Variants in PCDHGB1 observed in about 807,000 individuals in gnomAD.
PCDHGB1 encodes the protein protocadherin gamma-B1.
A neutral mutation model predicts 56.6 loss-of-function variants in PCDHGB1; 34 were observed. That is an observed-to-expected ratio of 0.60 (90% CI 0.46 to 0.80). PCDHGB1 has a LOEUF of 0.80. Ranked by LOEUF, PCDHGB1 falls within the 30% of genes least tolerant of loss-of-function variation. The pLI is 0.00. For synonymous variants in PCDHGB1, 561 were observed against 505.9 expected, an observed-to-expected ratio of 1.11 and a Z score of -1.46; for missense variants, 1,278 against 1,204.6, an observed-to-expected ratio of 1.06 and a Z score of -0.90.
rs1283688342 is a variant in PCDHGB1, at chr5:141,437,688, T to G, written c.2410-57119T>G. On this transcript the variant is annotated intron_variant, in intron 1 of 3. Transcript: ENST00000523390. ...GAGATGTTGATCAAACTGATGAGGCTAAATCTCAAGAAAGAGACACAGTTA... is the reference window on the plus strand; with the variant it reads ...GAGATGTTGATCAAACTGATGAGGCGAAATCTCAAGAAAGAGACACAGTTA... Among the ~76,000 whole-genome samples the G allele has an allele frequency of 4.0e-5, 6 of 151,890 alleles. 1 individual carries two copies. The East Asian group carries it at 1.2e-3, about 29-fold the overall frequency.
At chr5:141,421,034 C>G (rs2096540283) in intron 1 of PCDHGB1, 2 of 538,266 alleles carry the variant, frequency 3.7e-6, no homozygotes, top group Non-Finnish European at 6.4e-6. Context: ...CATTGAGTCC[C>G]TCCCTCCCCC....
At chr5:141,389,088 T>G (rs774714581) in intron 1 of PCDHGB1, 2 of 1,613,894 alleles carry the variant, frequency 1.2e-6, no homozygotes, top group Non-Finnish European at 1.7e-6. Context: ...CACGTATAAA[T>G]TAGTGACAGA....
intron 1 of PCDHGB1, chr5:141,405,186 G>A (rs762537440): frequency 6.2e-6 from 10 of 1,612,892 alleles, no homozygotes; most frequent in Non-Finnish European, 8.5e-6. Context: ...GGTGTAGATG[G>A]GGTTCGAGCT....
chr5:141,383,031 T>C (rs778307271), intron 1 of PCDHGB1: 2 of 1,613,670 alleles, frequency 1.2e-6, no homozygotes, highest in African/African-American at 2.7e-5. Flanking sequence ...AAGGGTCCTT[T>C]GTGGGAGACA....
intron 1 of PCDHGB1, among the ~76,000 whole-genome samples, chr5:141,466,757 T>G (rs1486124876): frequency 6.6e-6 from 1 of 152,224 alleles, no homozygotes; most frequent in Non-Finnish European, 1.5e-5. Context: ...AGGGGCTCTT[T>G]TCAAACTGTT....
rs772255956 is a variant in PCDHGB1 at position 141,361,360 on chromosome 5, G to T, written c.2409+8691G>T. ...CTATTACAAACTAGTGACAGACGGC[G>T]CTCTGGACCGGGAGGAGATCCCAGA... On this transcript the variant is annotated intron_variant, in intron 1 of 3. Coordinates refer to ENST00000523390, the MANE Select transcript of PCDHGB1 (RefSeq NM_018922.3). 3.1e-6 allele frequency: 5 copies of T among 1,613,944 alleles called. No homozygotes were observed. In the Admixed American group the frequency reaches 5.0e-5, roughly 16 times the overall value.
chr5:141,451,676 G>C (rs1363843426), intron 1 of PCDHGB1, among the ~76,000 whole-genome samples: 1 of 152,142 alleles, frequency 6.6e-6, no homozygotes, highest in African/African-American at 2.4e-5. Context: ...GAGCCCAGGA[G>C]TTCAAGACCA....
chr5:141,429,389 A>T (rs6890456), intron 1 of PCDHGB1, among the ~76,000 whole-genome samples: 7,460 of 147,570 alleles, frequency 0.051, 197 homozygotes, highest in South Asian at 0.075. Flanking sequence ...TTTTTTTTTA[A>T]AAAAAATTGA....
chr5:141,452,884 A>C (rs746547069), intron 1 of PCDHGB1, among the ~76,000 whole-genome samples: 1 of 152,204 alleles, frequency 6.6e-6, no homozygotes, highest in Non-Finnish European at 1.5e-5. Flanking sequence ...GTAATAATTT[A>C]TTCCACTTTT....
At position 141,399,887 on chromosome 5, in the gene PCDHGB1, T is replaced by C. The variant is rs1189359878; in HGVS notation, c.2409+47218T>C. ...GAGCCCGGCTACCTGGTGACCAAGG[T>C]AGTGGCCGTGGACGCAGACTCAGGA... On this transcript the variant is annotated intron_variant, in intron 1 of 3. Coordinates refer to ENST00000523390, the MANE Select transcript of PCDHGB1 (RefSeq NM_018922.3). 3 of 1,612,524 alleles carry C rather than the reference T, an allele frequency of 1.9e-6. No homozygotes were observed. The African/African-American group carries it at 4.0e-5, about 22-fold the overall frequency.
intron 1 of PCDHGB1, chr5:141,374,073 A>AT: frequency 6.6e-7 from 1 of 1,510,034 alleles, no homozygotes; most frequent in Non-Finnish European, 8.8e-7. Flanking sequence ...GAAGTTCCTA[A>AT]TAAGCCAGTA....
intron 1 of PCDHGB1, chr5:141,364,798 C>T (rs1290164632): frequency 2.5e-6 from 4 of 1,613,890 alleles, no homozygotes; most frequent in Non-Finnish European, 3.4e-6. Context: ...TGCTTCCCTT[C>T]GCGCGGGATG....
At chr5:141,400,302 T>A (rs7701363) in intron 1 of PCDHGB1, 1 of 1,614,082 alleles carries the variant, frequency 6.2e-7, no homozygotes, top group African/African-American at 1.3e-5. Context: ...GCTTCCAACC[T>A]GGTCTCTGTG....
chr5:141,446,087 A>G (rs2154561251), intron 1 of PCDHGB1, among the ~76,000 whole-genome samples: 1 of 152,370 alleles, frequency 6.6e-6, no homozygotes, highest in Non-Finnish European at 1.5e-5. Flanking sequence ...GTAGAAATAA[A>G]TGGATGAATT....
rs1444897635 is a variant in PCDHGB1 at position 141,366,887 on chromosome 5, A to G, written c.2409+14218A>G. ...GCTGTATTGGAGATTAATTTTTTTT[A>G]TATAATTCATGCTTTCTCCATTTGT... On this transcript the variant is annotated intron_variant, in intron 1 of 3. Coordinates refer to ENST00000523390, the MANE Select transcript of PCDHGB1 (RefSeq NM_018922.3). 3.2e-6 allele frequency: 4 copies of G among 1,269,488 alleles called. No homozygotes were observed. The South Asian group carries it at 4.6e-5, about 15-fold the overall frequency. 78.6% of individuals were successfully genotyped at this position (1,269,488 alleles called of 1,614,324 possible).
At position 141,487,179 on chromosome 5, in the gene PCDHGB1, C is replaced by T. The variant is rs768886732; in HGVS notation, c.2410-7628C>T. Reference sequence around the variant, plus strand: ...CTCTTAGTGTCCTTAGAGGAAGACACTCATCCAGTTGTCCCAGATCTTCGA... The same window carrying T: ...CTCTTAGTGTCCTTAGAGGAAGACATTCATCCAGTTGTCCCAGATCTTCGA... On this transcript the variant is annotated intron_variant, in intron 1 of 3. Transcript: ENST00000523390. This position sits in a 1 kb window ranked among gnomAD's most constrained non-coding sequence, Gnocchi z 5.0. 6.2e-6 allele frequency: 10 copies of T among 1,613,474 alleles called. No individual in the cohort carries two copies. Among genetic ancestry groups the T allele is most frequent in the Non-Finnish European group, 6.8e-6 (8 of 1,179,370 alleles).
At chr5:141,370,900 A>G (rs1561548541) in intron 1 of PCDHGB1, 1 of 1,613,950 alleles carries the variant, frequency 6.2e-7, no homozygotes, top group African/African-American at 1.3e-5. Flanking sequence ...TCGCTGCAGC[A>G]GTACTACCTC....
At position 141,390,470 on chromosome 5, in the gene PCDHGB1, G is replaced by A; in HGVS notation, c.2409+37801G>A. On this transcript the variant is annotated intron_variant, in intron 1 of 3. Transcript: ENST00000523390. ...AGGAGTAAAGTAGGAGCAATTGTGTGGCCCAACATTTGTTTGTTTTTTAGC... is the reference window on the plus strand; with the variant it reads ...AGGAGTAAAGTAGGAGCAATTGTGTAGCCCAACATTTGTTTGTTTTTTAGC... 4.3e-6 allele frequency: 3 copies of A among 699,244 alleles called. No individual in the cohort carries two copies. In the South Asian group the frequency reaches 6.0e-5, roughly 14 times the overall value. The allele number at this position is 699,244 out of a possible 1,614,324, so 43.3% of individuals were successfully genotyped here.
At chr5:141,361,786 T>A in intron 1 of PCDHGB1, 1 of 1,613,238 alleles carries the variant, frequency 6.2e-7, no homozygotes, top group Non-Finnish European at 8.5e-7. Context: ...CCTGCGCGTG[T>A]TAGTGGGCGA....
Sources: allele counts gnomAD v4.1 joint callset (sites outside exome capture counted in the v4.1 genomes callset), GRCh38; gene constraint gnomAD v4.1.1; non-coding constraint Gnocchi (gnomAD v3.1); transcripts MANE v1.5; gene names NCBI Gene and HGNC (gene_info 2026-07-23, HGNC 2026-07-21).